Variants in WDR19 observed in about 807,000 individuals in gnomAD.
The protein encoded by WDR19 is WD repeat-containing protein 19.
Under a neutral mutation model 180.0 loss-of-function variants are expected in WDR19, and 121 were observed. The observed-to-expected ratio is 0.67, with a 90% CI of 0.58 to 0.78. The LOEUF (loss-of-function observed/expected upper bound fraction) is 0.78. Ranked by LOEUF, WDR19 falls within the 30% of genes least tolerant of loss-of-function variation. The pLI is 0.00. For synonymous variants in WDR19, 497 were observed against 540.7 expected (o/e 0.92, Z 1.12); for missense variants, 1,450 against 1,640.7 (o/e 0.88, Z 2.01).
intron 21 of WDR19, among the ~76,000 whole-genome samples, chr4:39,242,544 A>G (rs185663514): frequency 5.3e-5 from 8 of 152,304 alleles, no homozygotes; most frequent in Admixed American, 5.2e-4. Flanking sequence ...ACTGCAGGCT[A>G]GACACAATGG....
At chr4:39,273,327 C>G in intron 32 of WDR19, 1 of 451,054 alleles carries the variant, frequency 2.2e-6, no homozygotes, top group Non-Finnish European at 3.9e-6. Flanking sequence ...GAAGGATTCA[C>G]GCAAAGGCGA....
At position 39,194,747 on chromosome 4, in the gene WDR19, A is replaced by G. The variant is rs920980931; in HGVS notation, c.406+88A>G. 21 of 1,064,022 alleles carry G rather than the reference A, an allele frequency of 2.0e-5. No individual in the cohort carries two copies. The Middle Eastern group carries it at 6.1e-4, about 31-fold the overall frequency. The allele number at this position is 1,064,022 out of a possible 1,614,324, so 65.9% of individuals were successfully genotyped here. A position where few individuals can be genotyped will look rare whatever the true frequency, so the allele number is the denominator to read the frequency against. ...CGCCTCAGGTTTCCCTGATCTTGCA[A>G]TGGAAATTTTGCAGTACAAACCCCC... On this transcript the variant is annotated intron_variant, in intron 5 of 36. Transcript: ENST00000399820.
chr4:39,277,021 A>C lies in WDR19; in HGVS notation c.3718A>C (p.Arg1240=), dbSNP rs1466191312. 6.2e-7 allele frequency: 1 copy of C among 1,612,584 alleles called. No homozygotes were observed. The highest frequency in any genetic ancestry group is 1.1e-5 in the South Asian group (1 of 90,606). The part of the protein sequence containing the change: ...YKKKIEGMVR[R]PDISEIEEAT... ...AAATGACATGATTCTTCCTCACAGG[A>C]GACCCGATATATCTGAGATAGAAGA... is the stretch of plus-strand genomic sequence containing the variant. Residue 1240 remains arginine (R), a splice_region_variant and synonymous_variant, in exon 34 of 37, where the codon AGA becomes CGA. Coordinates refer to ENST00000399820, the MANE Select transcript of WDR19 (RefSeq NM_025132.4).
chr4:39,216,879 A>G (rs1232547811), intron 12 of WDR19, among the ~76,000 whole-genome samples: 1 of 152,244 alleles, frequency 6.6e-6, no homozygotes, highest in South Asian at 2.1e-4. Context: ...ATTGTTTTGC[A>G]TATAATTTTA....
chr4:39,257,703 A>G, intron 28 of WDR19, 149 bp downstream of exon 28: 1 of 688,084 alleles, frequency 1.5e-6, no homozygotes, highest in East Asian at 2.9e-5. Context: ...CAATACATAG[A>G]CAGCCTCATT....
At chr4:39,210,325 C>T (rs957276477) in intron 9 of WDR19, among the ~76,000 whole-genome samples, 2 of 152,202 alleles carry the variant, frequency 1.3e-5, no homozygotes, top group African/African-American at 2.4e-5. Context: ...AATTATACTT[C>T]ATGACCAAGT....
At chr4:39,244,080 T>TA (rs1449024895) in intron 21 of WDR19, among the ~76,000 whole-genome samples, 168 bp from the exon 22 acceptor site, 5 of 148,542 alleles carry the variant, frequency 3.4e-5, no homozygotes, top group African/African-American at 1.3e-4. Context: ...CTGGGTTTTT[T>TA]TAAAAAAAAA....
At chr4:39,204,381 G>A (rs13113345) in intron 7 of WDR19, among the ~76,000 whole-genome samples, 3 of 152,084 alleles carry the variant, frequency 2.0e-5, no homozygotes, top group Non-Finnish European at 2.9e-5. Context: ...CACCGCACCC[G>A]GCCAAAGTTG....
chr4:39,185,342 C>T (rs1373977184), intron 1 of WDR19, among the ~76,000 whole-genome samples: 6 of 152,144 alleles, frequency 3.9e-5, no homozygotes, highest in Non-Finnish European at 7.4e-5. Context: ...AATTTTTGTT[C>T]AGTTTAATCA....
At chr4:39,275,184 A>G (rs1363453652) in intron 33 of WDR19, 4 of 519,786 alleles carry the variant, frequency 7.7e-6, no homozygotes, top group African/African-American at 5.8e-5. Flanking sequence ...TACTAAAAAT[A>G]CAAAAATTGG....
At chr4:39,226,561 G>A (rs1021260261) in intron 15 of WDR19, among the ~76,000 whole-genome samples, 1 of 152,204 alleles carries the variant, frequency 6.6e-6, no homozygotes, top group Non-Finnish European at 1.5e-5. Context: ...GTTAGAAGCA[G>A]AGACTCAGGA....
chr4:39,252,951 T>A (rs1481337772), intron 24 of WDR19, among the ~76,000 whole-genome samples, 195 bp from the exon 25 acceptor site: 1 of 152,226 alleles, frequency 6.6e-6, no homozygotes, highest in Non-Finnish European at 1.5e-5. Context: ...GATATTTTAC[T>A]GTTCATTTAT....
At chr4:39,211,559 A>G (rs956079514) in intron 9 of WDR19, among the ~76,000 whole-genome samples, 3 of 152,218 alleles carry the variant, frequency 2.0e-5, no homozygotes, top group Non-Finnish European at 4.4e-5. Context: ...AAATGAGTTG[A>G]GCAAGATTGT....
chr4:39,214,542 T>G (rs1728863068), intron 9 of WDR19, 59 bp from the exon 10 acceptor site: 1 of 1,045,566 alleles, frequency 9.6e-7, no homozygotes, highest in Middle Eastern at 3.0e-4. Context: ...TTTTGTGAAT[T>G]AAAACAGTTT....
intron 5 of WDR19, among the ~76,000 whole-genome samples, chr4:39,194,955 G>A (rs1726568293): frequency 1.3e-5 from 2 of 152,190 alleles, no homozygotes; most frequent in African/African-American, 4.8e-5. Flanking sequence ...ACCTCTGGAC[G>A]AGGAATAGCT....
intron 14 of WDR19, 105 bp from the exon 15 acceptor site, chr4:39,224,778 CA>C (rs1730069541): frequency 9.9e-7 from 1 of 1,007,024 alleles, no homozygotes; most frequent in African/African-American, 1.7e-5. Flanking sequence ...AAAAACATGA[CA>C]TTTTTCTCTT....
intron 21 of WDR19, 75 bp from the exon 22 acceptor site, chr4:39,244,173 A>G (rs1289478365): frequency 1.3e-6 from 2 of 1,482,356 alleles, no homozygotes; most frequent in Non-Finnish European, 1.8e-6. Flanking sequence ...TTTTAGAGTT[A>G]AATTCATTGT....
Position 39,268,100 on chromosome 4 carries a change from G to A in WDR19, c.3358+9G>A, listed in dbSNP as rs752091149. 2.3e-5 allele frequency: 36 copies of A among 1,566,952 alleles called. 1 individual carries two copies. Among genetic ancestry groups the A allele is most frequent in the South Asian group, 8.2e-5 (7 of 85,150 alleles). ...AGAAGAGCAGTCTGCAGGTAGGTCCGTGATACGTATGTGTTACTTCCCAAG... is the reference window on the plus strand; with the variant it reads ...AGAAGAGCAGTCTGCAGGTAGGTCCATGATACGTATGTGTTACTTCCCAAG... On this transcript the variant is annotated intron_variant, in intron 30 of 36. Coordinates refer to ENST00000399820, the MANE Select transcript of WDR19 (RefSeq NM_025132.4).
intron 20 of WDR19, among the ~76,000 whole-genome samples, chr4:39,236,951 A>G (rs1227662728): frequency 6.6e-6 from 1 of 152,230 alleles, no homozygotes; most frequent in Non-Finnish European, 1.5e-5. Context: ...TTAAGTTAAC[A>G]TTCAGCCATG....
Sources: allele counts gnomAD v4.1 joint callset (sites outside exome capture counted in the v4.1 genomes callset), GRCh38; gene constraint gnomAD v4.1.1; transcripts MANE v1.5; gene names NCBI Gene and HGNC (gene_info 2026-07-23, HGNC 2026-07-21).